Variants in MATCAP2 observed in about 807,000 individuals in gnomAD.
MATCAP2 encodes microtubule associated tyrosine carboxypeptidase 2.
chr7:36,357,847 A>G, the MATCAP2 span, among the ~76,000 whole-genome samples: 3 of 152,236 alleles, frequency 2.0e-5, no homozygotes, highest in African/African-American at 7.2e-5. Context: ...TTAGATGATC[A>G]AAGTCTAATA....
the MATCAP2 span, chr7:36,389,670 C>A: frequency 2.1e-5 from 5 of 233,562 alleles, no homozygotes; most frequent in African/African-American, 9.1e-5. Flanking sequence ...GGAAGCGCCC[C>A]GCTGCCCGCC....
the MATCAP2 span, chr7:36,336,418 A>G: frequency 1.2e-6 from 1 of 813,076 alleles, no homozygotes; most frequent in East Asian, 2.8e-5. Context: ...TTAAACTGCA[A>G]CTGAAGTGCC....
chr7:36,363,348 G>C, the MATCAP2 span, among the ~76,000 whole-genome samples: 1 of 152,126 alleles, frequency 6.6e-6, no homozygotes, highest in Non-Finnish European at 1.5e-5. Context: ...AAATAAAGCC[G>C]ATAGGCAATC....
At chr7:36,356,542 C>A in the MATCAP2 span, 1 of 377,890 alleles carries the variant, frequency 2.6e-6, no homozygotes. Context: ...ACAAAGAAAT[C>A]AATTAGAAAA....
chr7:36,379,139 G>C, the MATCAP2 span, among the ~76,000 whole-genome samples: 1 of 152,226 alleles, frequency 6.6e-6, no homozygotes, highest in African/African-American at 2.4e-5. Context: ...AGATGAACCA[G>C]GTACCTCAGT....
At chr7:36,351,395 C>CATAA in the MATCAP2 span, among the ~76,000 whole-genome samples, 29 of 151,340 alleles carry the variant, frequency 1.9e-4, no homozygotes, top group African/African-American at 5.8e-4. Flanking sequence ...GACTCTGGCT[C>CATAA]ATAAATAAAT....
chr7:36,346,918 A>G, the MATCAP2 span, among the ~76,000 whole-genome samples: 1 of 151,994 alleles, frequency 6.6e-6, no homozygotes, highest in Non-Finnish European at 1.5e-5. Flanking sequence ...CCGCCACCAC[A>G]CTAGGCTAAT....
the MATCAP2 span, among the ~76,000 whole-genome samples, chr7:36,331,413 C>T: frequency 2.6e-5 from 4 of 152,120 alleles, no homozygotes; most frequent in Admixed American, 6.5e-5. Context: ...CTACTCCCAC[C>T]GTTCAGTCAT....
chr7:36,384,916 G>A, the MATCAP2 span, among the ~76,000 whole-genome samples: 2 of 151,932 alleles, frequency 1.3e-5, no homozygotes, highest in Admixed American at 6.6e-5. Flanking sequence ...TAGGTTATTC[G>A]GAGAGGCAGG....
At chr7:36,379,972 T>C in the MATCAP2 span, among the ~76,000 whole-genome samples, 1 of 152,186 alleles carries the variant, frequency 6.6e-6, no homozygotes, top group East Asian at 1.9e-4. Flanking sequence ...TCTCTCTCTA[T>C]GTGTCTACAT....
the MATCAP2 span, among the ~76,000 whole-genome samples, chr7:36,364,135 T>G: frequency 6.6e-6 from 1 of 150,744 alleles, no homozygotes; most frequent in African/African-American, 2.5e-5. Context: ...TGGCCAAGGC[T>G]GGAGTGCAGT....
the MATCAP2 span, among the ~76,000 whole-genome samples, chr7:36,352,035 CCTAA>C: frequency 1.8e-4 from 28 of 151,694 alleles, no homozygotes; most frequent in African/African-American, 6.8e-4. Context: ...TCAAATGTAC[CCTAA>C]CTCTTAAATT....
the MATCAP2 span, among the ~76,000 whole-genome samples, chr7:36,387,342 T>C: frequency 7.2e-5 from 11 of 152,340 alleles, no homozygotes; most frequent in Non-Finnish European, 1.5e-4. Flanking sequence ...GGATGTTTTG[T>C]ATTTTTTTAA....
At chr7:36,339,601 C>A in the MATCAP2 span, among the ~76,000 whole-genome samples, 2 of 152,194 alleles carry the variant, frequency 1.3e-5, no homozygotes, top group East Asian at 3.8e-4. Flanking sequence ...ACAACTAAGA[C>A]AATTAAAAGC....
At chr7:36,367,523 A>G in the MATCAP2 span, among the ~76,000 whole-genome samples, 64 of 152,278 alleles carry the variant, frequency 4.2e-4, no homozygotes, top group Non-Finnish European at 7.4e-4. Flanking sequence ...CTAGCTGCAA[A>G]TAGCAAAGCC....
chr7:36,346,751 A>G, the MATCAP2 span, among the ~76,000 whole-genome samples: 1 of 152,100 alleles, frequency 6.6e-6, no homozygotes, highest in Non-Finnish European at 1.5e-5. Flanking sequence ...ACTGTACTCT[A>G]GTTTTATTTA....
At chr7:36,334,989 T>G in the MATCAP2 span, 9 of 1,502,092 alleles carry the variant, frequency 6.0e-6, no homozygotes, top group Admixed American at 2.0e-4. Context: ...AAAAGAACAT[T>G]TCTTTAGAGC....
the MATCAP2 span, among the ~76,000 whole-genome samples, chr7:36,353,759 G>A: frequency 6.6e-6 from 1 of 152,118 alleles, no homozygotes; most frequent in African/African-American, 2.4e-5. Flanking sequence ...GGGATTACAG[G>A]TGTGAGCCAC....
At chr7:36,383,335 A>G in the MATCAP2 span, among the ~76,000 whole-genome samples, 1 of 152,226 alleles carries the variant, frequency 6.6e-6, no homozygotes, top group East Asian at 1.9e-4. Flanking sequence ...AGGATTATAA[A>G]TCATTCTACT....
Sources: allele counts gnomAD v4.1 joint callset (sites outside exome capture counted in the v4.1 genomes callset), GRCh38; gene constraint gnomAD v4.1.1; transcripts MANE v1.5; gene names NCBI Gene and HGNC (gene_info 2026-07-23, HGNC 2026-07-21).